Variants in FSTL5 observed in about 807,000 individuals in gnomAD.
FSTL5 encodes follistatin like 5.
Under a neutral mutation model 89.1 loss-of-function variants are expected in FSTL5, and 62 were observed. The ratio of observed to expected loss-of-function variants is 0.70; its 90% CI spans 0.57 to 0.86. The LOEUF is 0.86. Ranked by LOEUF, FSTL5 falls within the 40% of genes least tolerant of loss-of-function variation. FSTL5 has a pLI of 0.00. For missense variants in FSTL5, 1,057 were observed against 1,001.6 expected (o/e 1.06, Z -0.75); for synonymous variants, 383 against 346.2 (o/e 1.11, Z -1.18).
rs527510829 is a variant in FSTL5, at chr4:161,596,575, C to A, written c.895-9000G>T. On this transcript the variant is annotated intron_variant, in intron 7 of 15. Transcript: ENST00000306100. The stretch of plus-strand genomic sequence containing the variant: ...TTGATATGTTCTCTTCTTGACCACA[C>A]TTCTCAGAATTCCTTATTGTTAGCA... 6.6e-5 allele frequency among the ~76,000 whole-genome samples: 10 copies of A among 152,154 alleles called. 1 individual carries two copies. In the East Asian group the frequency reaches 1.7e-3, roughly 26 times the overall value.
chr4:161,561,519 G>A (rs1732601834), intron 8 of FSTL5, among the ~76,000 whole-genome samples: 1 of 151,866 alleles, frequency 6.6e-6, no homozygotes, highest in Non-Finnish European at 1.5e-5. Flanking sequence ...AAATGTTATC[G>A]AGTTAAGATA....
At chr4:161,637,853 T>A (rs1316800997) in intron 7 of FSTL5, among the ~76,000 whole-genome samples, 1 of 116,480 alleles carries the variant, frequency 8.6e-6, no homozygotes. Flanking sequence ...ACCATGCTGT[T>A]TTGGTTACTG....
chr4:161,605,834 G>C (rs1367939296), intron 7 of FSTL5, among the ~76,000 whole-genome samples: 5 of 152,320 alleles, frequency 3.3e-5, no homozygotes, highest in Non-Finnish European at 5.9e-5. Context: ...AACCATGTCA[G>C]TTGTTCTGTA....
chr4:161,908,739 T>C (rs1256785273), intron 4 of FSTL5, among the ~76,000 whole-genome samples: 4 of 152,164 alleles, frequency 2.6e-5, no homozygotes, highest in African/African-American at 7.2e-5. Flanking sequence ...ATACACTTTG[T>C]TTAACTCAAA....
At chr4:161,842,394 G>T (rs762120051) in intron 4 of FSTL5, among the ~76,000 whole-genome samples, 1 of 152,208 alleles carries the variant, frequency 6.6e-6, no homozygotes, top group South Asian at 2.1e-4. Context: ...AAATCATCCA[G>T]TAACAAAGCA....
chr4:162,135,474 A>T (rs1204986849), intron 1 of FSTL5, among the ~76,000 whole-genome samples: 1 of 152,136 alleles, frequency 6.6e-6, no homozygotes, highest in Non-Finnish European at 1.5e-5. Flanking sequence ...GTATATTTAC[A>T]TCTTTTCTTC....
intron 3 of FSTL5, among the ~76,000 whole-genome samples, chr4:161,966,201 T>G (rs1735323169): frequency 6.6e-6 from 1 of 152,112 alleles, no homozygotes; most frequent in Non-Finnish European, 1.5e-5. Flanking sequence ...TAAGTGAGGT[T>G]GTGGAACCTA....
At chr4:162,037,818 GGA>G (rs1455109994) in intron 2 of FSTL5, among the ~76,000 whole-genome samples, 2 of 151,808 alleles carry the variant, frequency 1.3e-5, no homozygotes, top group Non-Finnish European at 2.9e-5. Context: ...CCCTTTCACT[GGA>G]GACTTATTTA....
At chr4:162,099,482 T>C (rs2111378237) in intron 2 of FSTL5, among the ~76,000 whole-genome samples, 1 of 152,256 alleles carries the variant, frequency 6.6e-6, no homozygotes, top group South Asian at 2.1e-4. Context: ...TAAGATAATG[T>C]AGGAGCAAAT....
chr4:161,924,401 T>G (rs1734070819), intron 3 of FSTL5, among the ~76,000 whole-genome samples: 1 of 150,938 alleles, frequency 6.6e-6, no homozygotes, highest in South Asian at 2.1e-4. Context: ...GTATATCTAA[T>G]ATATCAGCTG....
chr4:161,394,974 G>A (rs1434483816), intron 15 of FSTL5, among the ~76,000 whole-genome samples: 2 of 152,064 alleles, frequency 1.3e-5, no homozygotes, highest in Non-Finnish European at 2.9e-5. Context: ...ATTGATTTAA[G>A]AAGAAATAGC....
At chr4:161,809,599 C>A (rs937393670) in intron 4 of FSTL5, among the ~76,000 whole-genome samples, 1 of 152,142 alleles carries the variant, frequency 6.6e-6, no homozygotes, top group Non-Finnish European at 1.5e-5. Context: ...GGAAGTGGGT[C>A]AATGGATAAA....
chr4:161,912,569 C>T (rs968241494), intron 4 of FSTL5, among the ~76,000 whole-genome samples: 3 of 152,254 alleles, frequency 2.0e-5, no homozygotes, highest in Middle Eastern at 3.4e-3. Context: ...GAGGCCTTCC[C>T]ATCCATGTGG....
chr4:161,923,950 T>A (rs1362131368), intron 3 of FSTL5, among the ~76,000 whole-genome samples: 1 of 151,818 alleles, frequency 6.6e-6, no homozygotes. Flanking sequence ...AAAGCTCATA[T>A]TATGTAAATG....
At chr4:161,905,845 G>A (rs1052297634) in intron 4 of FSTL5, among the ~76,000 whole-genome samples, 8 of 152,070 alleles carry the variant, frequency 5.3e-5, no homozygotes, top group Admixed American at 6.6e-5. Context: ...AAACAGCAAT[G>A]TTTTAATCTA....
chr4:161,696,134 T>A (rs896269504), intron 6 of FSTL5, among the ~76,000 whole-genome samples: 3 of 152,230 alleles, frequency 2.0e-5, no homozygotes, highest in African/African-American at 7.2e-5. Context: ...TTGATTTTTG[T>A]ATAAGGTGAA....
At chr4:161,883,774 A>G (rs2126913546) in intron 4 of FSTL5, among the ~76,000 whole-genome samples, 1 of 152,290 alleles carries the variant, frequency 6.6e-6, no homozygotes, top group African/African-American at 2.4e-5. Flanking sequence ...CACGTCTGAG[A>G]TTCTCCCTTA....
chr4:162,103,458 A>G (rs1446893436), intron 2 of FSTL5, among the ~76,000 whole-genome samples: 2 of 152,120 alleles, frequency 1.3e-5, no homozygotes, highest in African/African-American at 4.8e-5. Flanking sequence ...GGTACTCTCA[A>G]TGTGTATTGG....
intron 4 of FSTL5, among the ~76,000 whole-genome samples, chr4:161,887,410 T>C (rs1373081956): frequency 9.8e-6 from 1 of 101,730 alleles, no homozygotes; most frequent in African/African-American, 3.3e-5. Flanking sequence ...TATCTATCTA[T>C]CTATCTATCT....
Sources: gnomAD v4.1 joint callset for allele counts (sites outside exome capture counted in the v4.1 genomes callset) on GRCh38, gnomAD v4.1.1 for gene constraint, MANE v1.5 for transcripts, NCBI Gene and HGNC (gene_info 2026-07-23, HGNC 2026-07-21) for gene names.